RSU1: variants seen among roughly 807,000 people sequenced by gnomAD.
RSU1 encodes rsu-1.
Under a neutral mutation model 31.1 loss-of-function variants are expected in RSU1, and 26 were observed. That is an observed-to-expected ratio of 0.84 (90% CI 0.61 to 1.16). RSU1 has a LOEUF of 1.16. RSU1 is among the 50% of genes most tolerant of loss of function. The pLI, the probability that RSU1 is intolerant of heterozygous loss-of-function variation, is 0.00. For synonymous variants in RSU1, 164 were observed against 136.3 expected (o/e 1.20, Z -1.41); for missense variants, 320 against 339.1 (o/e 0.94, Z 0.44).
chr10:16,768,331 A>T (rs1280950656), intron 3 of RSU1, among the ~76,000 whole-genome samples: 2 of 152,232 alleles, frequency 1.3e-5, no homozygotes, highest in East Asian at 3.8e-4. Context: ...ATGAAAATCA[A>T]TGATATGGCT....
intron 8 of RSU1, among the ~76,000 whole-genome samples, chr10:16,610,788 T>G (rs549758753): frequency 1.9e-4 from 29 of 152,242 alleles, no homozygotes; most frequent in African/African-American, 7.0e-4. Flanking sequence ...ACCCTGCTGG[T>G]CCATGGAAAA....
At chr10:16,680,819 A>G (rs1053041941) in intron 8 of RSU1, among the ~76,000 whole-genome samples, 7 of 152,320 alleles carry the variant, frequency 4.6e-5, no homozygotes, top group African/African-American at 1.7e-4. Context: ...ACAGATATCC[A>G]AACTATGTCA....
At chr10:16,627,198 A>C (rs998960715) in intron 8 of RSU1, among the ~76,000 whole-genome samples, 3 of 152,226 alleles carry the variant, frequency 2.0e-5, no homozygotes, top group African/African-American at 7.2e-5. Flanking sequence ...CTATGCACAG[A>C]TGCAAATGTC....
chr10:16,679,107 T>C (rs913464929), intron 8 of RSU1, among the ~76,000 whole-genome samples: 12 of 152,358 alleles, frequency 7.9e-5, no homozygotes, highest in South Asian at 6.2e-4. Flanking sequence ...GAACACATTT[T>C]AATGTTTCCA....
At chr10:16,666,715 C>T (rs1834995494) in intron 8 of RSU1, among the ~76,000 whole-genome samples, 3 of 151,802 alleles carry the variant, frequency 2.0e-5, no homozygotes, top group South Asian at 2.1e-4. Flanking sequence ...CAGCCGGGTG[C>T]GGTGGCACAC....
intron 8 of RSU1, among the ~76,000 whole-genome samples, chr10:16,623,440 C>A (rs1834104789): frequency 6.6e-6 from 1 of 152,220 alleles, no homozygotes; most frequent in Admixed American, 6.5e-5. Context: ...CACCGATGGG[C>A]ACCCAGGTTG....
chr10:16,716,771 G>A (rs45529039), intron 7 of RSU1, among the ~76,000 whole-genome samples: 18,706 of 152,112 alleles, frequency 0.12, 1,457 homozygotes, highest in Middle Eastern at 0.18. Flanking sequence ...GGTATGAAGC[G>A]TTATTAAATT....
intron 8 of RSU1, among the ~76,000 whole-genome samples, chr10:16,653,388 C>G (rs1369099015): frequency 6.6e-6 from 1 of 152,182 alleles, no homozygotes; most frequent in African/African-American, 2.4e-5. Flanking sequence ...AAACAATACT[C>G]TGTTGTGTGT....
chr10:16,608,229 C>G (rs1588671964), intron 8 of RSU1, among the ~76,000 whole-genome samples: 1 of 152,178 alleles, frequency 6.6e-6, no homozygotes, highest in Non-Finnish European at 1.5e-5. Flanking sequence ...TGGAGCAGAC[C>G]AGGTGTGGTG....
At chr10:16,711,999 T>C (rs941208898) in intron 7 of RSU1, among the ~76,000 whole-genome samples, 3 of 152,236 alleles carry the variant, frequency 2.0e-5, no homozygotes, top group African/African-American at 7.2e-5. Context: ...ATGTTTGTTT[T>C]GTACATCTGT....
intron 8 of RSU1, among the ~76,000 whole-genome samples, chr10:16,622,317 C>T (rs893997826): frequency 3.3e-5 from 5 of 152,168 alleles, no homozygotes; most frequent in Non-Finnish European, 7.3e-5. Context: ...CATAGATCCA[C>T]CATTTCCAAG....
chr10:16,676,604 T>C (rs907850195), intron 8 of RSU1, among the ~76,000 whole-genome samples: 3 of 152,224 alleles, frequency 2.0e-5, no homozygotes, highest in Non-Finnish European at 2.9e-5. Context: ...TCAGATTTTT[T>C]GGATTGACAT....
At chr10:16,610,058 T>G (rs1361940862) in intron 8 of RSU1, among the ~76,000 whole-genome samples, 1 of 152,218 alleles carries the variant, frequency 6.6e-6, no homozygotes, top group Non-Finnish European at 1.5e-5. Context: ...AAAATATCAT[T>G]TCAACATGTC....
chr10:16,607,233 C>T lies in RSU1; in HGVS notation c.732-13737G>A, dbSNP rs538446510. Among the ~76,000 whole-genome samples the T allele has an allele frequency of 5.8e-4, 88 of 152,234 alleles. 1 individual carries two copies. The South Asian group carries it at 7.5e-3, about 13-fold the overall frequency. On this transcript the variant is annotated intron_variant, in intron 8 of 8. Coordinates refer to ENST00000345264, the MANE Select transcript of RSU1 (RefSeq NM_012425.4). ...GCCTCCTTTGCCTTCCACCATGATT[C>T]TAAGTTTCCTGAGACCTCCCCAGAA...
chr10:16,646,612 A>C (rs1834575873), intron 8 of RSU1, among the ~76,000 whole-genome samples: 1 of 152,164 alleles, frequency 6.6e-6, no homozygotes, highest in African/African-American at 2.4e-5. Context: ...CCTACCCTGT[A>C]TGTCACCGAG....
intron 8 of RSU1, among the ~76,000 whole-genome samples, chr10:16,685,820 C>T (rs1027132314): frequency 3.9e-5 from 6 of 152,186 alleles, no homozygotes; most frequent in African/African-American, 9.7e-5. Flanking sequence ...GATGGAGTCG[C>T]TCTGGTTCAT....
At chr10:16,682,456 T>C (rs913928389) in intron 8 of RSU1, among the ~76,000 whole-genome samples, 10 of 151,944 alleles carry the variant, frequency 6.6e-5, no homozygotes, top group South Asian at 4.2e-4. Flanking sequence ...TTGCAAAATA[T>C]AGTAATTAAG....
At chr10:16,645,560 C>T (rs1834521955) in intron 8 of RSU1, among the ~76,000 whole-genome samples, 1 of 151,964 alleles carries the variant, frequency 6.6e-6, no homozygotes, top group Non-Finnish European at 1.5e-5. Context: ...GTAATCCCAG[C>T]ACTTTGGGAA....
At chr10:16,761,018 T>C (rs1837202228) in intron 4 of RSU1, among the ~76,000 whole-genome samples, 1 of 152,212 alleles carries the variant, frequency 6.6e-6, no homozygotes, top group Non-Finnish European at 1.5e-5. Context: ...CTCAGTTCAC[T>C]GAAACCTCTG....
Sources: gnomAD v4.1 joint callset for allele counts (sites outside exome capture counted in the v4.1 genomes callset) on GRCh38, gnomAD v4.1.1 for gene constraint, MANE v1.5 for transcripts, NCBI Gene and HGNC (gene_info 2026-07-23, HGNC 2026-07-21) for gene names.